LYPD8: variants seen among roughly 807,000 people sequenced by gnomAD.
LYPD8 encodes the protein ly6/PLAUR domain-containing protein 8.
LYPD8 carries 8 observed loss-of-function variants against 1.7 expected under a neutral mutation model. The observed-to-expected ratio is 4.58, with a 90% CI of 2.69 to 8.27. The LOEUF is 8.27. LYPD8 is among the 30% of genes most tolerant of loss of function. The probability of loss-of-function intolerance (pLI) is 0.00; values close to 1 mark genes in which losing one functional copy is unlikely to be tolerated. For missense variants in LYPD8, 112 were observed against 102.3 expected (o/e 1.09, Z -0.41); for synonymous variants, 50 against 43.6 (o/e 1.15, Z -0.58).
At chr1:248,744,510 A>G (rs1436238390) in intron 6 of LYPD8, among the ~76,000 whole-genome samples, 2 of 151,592 alleles carry the variant, frequency 1.3e-5, no homozygotes, top group Non-Finnish European at 2.9e-5. Context: ...GGATCTCACA[A>G]TGGGTAGCGT....
chr1:248,750,600 A>G lies in LYPD8; in HGVS notation c.96T>C (p.Cys32=). The G allele has an allele frequency of 2.5e-6, 1 of 398,644 alleles. No homozygotes were observed. Among genetic ancestry groups the G allele is most frequent in the East Asian group, 3.6e-5 (1 of 28,086 alleles). 24.7% of individuals were successfully genotyped at this position (398,644 alleles called of 1,614,324 possible). ...CVQCNSWEKS[C]VNSIASECPS... is the part of the protein sequence containing the mutation. ...GACATTCAGAGGCAATGCTGTTGAC[A>G]CAGGATTTTTCCCATGAATTACACT... The change falls in exon 4 of 7, where the codon TGT becomes TGC. Residue 32 remains cysteine (C), a synonymous_variant. Coordinates refer to ENST00000590317, the MANE Select transcript of LYPD8 (RefSeq NM_001085474.2).
intron 6 of LYPD8, 169 bp from the exon 7 acceptor site, chr1:248,740,018 A>G (rs186215472): frequency 1.9e-4 from 58 of 301,464 alleles, no homozygotes; most frequent in African/African-American, 1.2e-3. Context: ...AGTCAAGAAC[A>G]CCACGCGGTA....
chr1:248,743,934 A>G (rs1662672826), intron 6 of LYPD8, among the ~76,000 whole-genome samples: 1 of 152,166 alleles, frequency 6.6e-6, no homozygotes, highest in South Asian at 2.1e-4. Context: ...ATAAACATCT[A>G]TTGTATTGAG....
intron 2 of LYPD8, among the ~76,000 whole-genome samples, chr1:248,752,928 T>TCA (rs1264128712): frequency 6.2e-5 from 3 of 48,204 alleles, no homozygotes; most frequent in Non-Finnish European, 1.1e-4. Flanking sequence ...ACACACCACA[T>TCA]CACACACACA....
intron 6 of LYPD8, 34 bp downstream of exon 6, chr1:248,745,108 A>G: frequency 5.0e-6 from 2 of 398,424 alleles, no homozygotes; most frequent in Non-Finnish European, 8.9e-6. Flanking sequence ...TTCCAGCCCA[A>G]GTCCCATAGA....
intron 2 of LYPD8, among the ~76,000 whole-genome samples, chr1:248,753,411 AC>A (rs1662864329): frequency 9.1e-6 from 1 of 109,612 alleles, no homozygotes; most frequent in African/African-American, 3.8e-5. Flanking sequence ...TCACACACAC[AC>A]CACACACCAC....
chr1:248,754,548 C>T (rs956514257), intron 2 of LYPD8, among the ~76,000 whole-genome samples: 4 of 151,172 alleles, frequency 2.6e-5, no homozygotes, highest in African/African-American at 9.7e-5. Context: ...CACCCTCACA[C>T]ACACACACCC....
At chr1:248,746,413 T>C (rs1662726710) in intron 5 of LYPD8, among the ~76,000 whole-genome samples, 1 of 152,222 alleles carries the variant, frequency 6.6e-6, no homozygotes. Flanking sequence ...GTTTCCTGTG[T>C]AATTGCTGTA....
chr1:248,745,087 A>T (rs1662707245), intron 6 of LYPD8, 55 bp downstream of exon 6: 1 of 397,854 alleles, frequency 2.5e-6, no homozygotes, highest in Non-Finnish European at 4.4e-6. Context: ...ATGAACCAAG[A>T]CTTGACATGT....
chr1:248,752,593 A>T (rs1166849081), intron 2 of LYPD8, among the ~76,000 whole-genome samples: 1 of 129,150 alleles, frequency 7.7e-6, no homozygotes, highest in Non-Finnish European at 1.7e-5. Flanking sequence ...CACACACCAC[A>T]CACCCCACAC....
chr1:248,752,897 TCA>T (rs1269139880), intron 2 of LYPD8, among the ~76,000 whole-genome samples: 1 of 24,834 alleles, frequency 4.0e-5, no homozygotes, highest in Non-Finnish European at 7.1e-5. Context: ...CATACACACA[TCA>T]CACACACCCC....
chr1:248,741,340 C>T (rs535972192), intron 6 of LYPD8, among the ~76,000 whole-genome samples: 100 of 152,262 alleles, frequency 6.6e-4, no homozygotes, highest in African/African-American at 2.1e-3. Flanking sequence ...CTGAGTAGTA[C>T]GGACTACAGG....
In LYPD8 at chr1:248,739,583, G is replaced by A. The variant is rs1553283006; in HGVS notation, c.*28C>T. 6.5e-7 allele frequency: 1 copy of A among 1,550,382 alleles called. No homozygotes were observed. Among genetic ancestry groups the A allele is most frequent in the Admixed American group, 2.0e-5 (1 of 51,004 alleles). On this transcript the variant is annotated 3_prime_UTR_variant, in exon 7 of 7. Transcript: ENST00000590317. This position sits in a 1 kb window ranked among gnomAD's most constrained non-coding sequence, Gnocchi z 4.3. ...TGGACCTCAGAGAAGCAGAAATGGG[G>A]TGCTGGGCAAAGTGCAGCCCCAGGA...
At chr1:248,751,168 A>G in intron 2 of LYPD8, 38 bp from the exon 3 acceptor site, 1 of 398,322 alleles carries the variant, frequency 2.5e-6, no homozygotes. Context: ...GGGGCCTTGG[A>G]GGGCTGCCTC....
chr1:248,750,807 CTAAT>C (rs1422763893), intron 3 of LYPD8, among the ~76,000 whole-genome samples, 164 bp from the exon 4 acceptor site: 1 of 152,154 alleles, frequency 6.6e-6, no homozygotes, highest in African/African-American at 2.4e-5. Context: ...ATGAGCCACC[CTAAT>C]TAGTTTCTCC....
chr1:248,751,067 G>A lies in LYPD8; in HGVS notation c.15C>T (p.Leu5=), dbSNP rs1439056818. MKGI[L]VAGITAVLVA... is the part of the protein sequence containing the mutation. ...CAAGCACTGCAGTGATACCAGCAAC[G>A]AGGATGCCCTTCATGGTGCTGGAGC... The change falls in exon 3 of 7, where the codon CTC becomes CTT. Residue 5 remains leucine, a synonymous_variant. Coordinates refer to ENST00000590317, the MANE Select transcript of LYPD8 (RefSeq NM_001085474.2). The A allele has an allele frequency of 5.0e-6, 2 of 398,536 alleles. No homozygotes were observed. Among genetic ancestry groups the A allele is most frequent in the Non-Finnish European group, 4.4e-6 (1 of 226,080 alleles). The allele number at this position is 398,536 out of a possible 1,614,324, so 24.7% of individuals were successfully genotyped here.
chr1:248,749,410 T>C (rs1662761128), intron 4 of LYPD8, among the ~76,000 whole-genome samples: 1 of 152,234 alleles, frequency 6.6e-6, no homozygotes, highest in Non-Finnish European at 1.5e-5. Context: ...TCTTAGTTCA[T>C]TTTGTGTTGC....
intron 2 of LYPD8, among the ~76,000 whole-genome samples, chr1:248,754,396 G>C (rs1346596394): frequency 4.7e-5 from 7 of 147,812 alleles, no homozygotes; most frequent in African/African-American, 1.8e-4. Flanking sequence ...CACATCACCT[G>C]TCACACACAT....
intron 2 of LYPD8, among the ~76,000 whole-genome samples, chr1:248,752,845 ACAC>A (rs2103172820): frequency 1.0e-5 from 1 of 99,808 alleles, no homozygotes; most frequent in Admixed American, 9.8e-5. Context: ...CACCCCACAC[ACAC>A]ACACCACACC....
Sources: allele counts gnomAD v4.1 joint callset (sites outside exome capture counted in the v4.1 genomes callset), GRCh38; gene constraint gnomAD v4.1.1; non-coding constraint Gnocchi (gnomAD v3.1); transcripts MANE v1.5; gene names NCBI Gene and HGNC (gene_info 2026-07-23, HGNC 2026-07-21).